The following NDUFAF6 variants were observed in gnomAD, a reference collection of about 807,000 sequenced individuals.
The protein encoded by NDUFAF6 is NADH:ubiquinone oxidoreductase complex assembly factor 6, also known as NADH dehydrogenase (ubiquinone) complex I, assembly factor 6.
NDUFAF6 carries 45 observed loss-of-function variants against 40.8 expected under a neutral mutation model. The ratio of observed to expected loss-of-function variants is 1.10; its 90% CI spans 0.87 to 1.42. NDUFAF6 has a LOEUF of 1.42. Among genes scored for constraint, NDUFAF6 ranks in the 40% most tolerant of loss-of-function variants. The probability of loss-of-function intolerance (pLI) is 0.00; values close to 1 mark genes in which losing one functional copy is unlikely to be tolerated. For missense variants in NDUFAF6, 435 were observed against 418.5 expected, an observed-to-expected ratio of 1.04 and a Z score of -0.34; for synonymous variants, 185 against 155.9, an observed-to-expected ratio of 1.19 and a Z score of -1.39.
chr8:95,095,738 C>T (rs1329248175), upstream of NDUFAF6, among the ~76,000 whole-genome samples: 1 of 151,582 alleles, frequency 6.6e-6, no homozygotes, highest in Non-Finnish European at 1.5e-5. Context: ...GATCTCAGCT[C>T]ATTGCAACCT....
chr8:95,074,307 T>C (rs1832966447), intron 9 of NDUFAF6, among the ~76,000 whole-genome samples: 1 of 152,226 alleles, frequency 6.6e-6, no homozygotes, highest in Non-Finnish European at 1.5e-5. Context: ...ATGTTAATTA[T>C]GTGACTTAAG....
rs1827157835 is a variant in NDUFAF6 at position 95,009,860 on chromosome 8, AATATT to A, written c.-83-22129_-83-22125del. 2.6e-5 allele frequency among the ~76,000 whole-genome samples: 4 copies of A among 152,292 alleles called. No individual in the cohort carries two copies. The South Asian group carries it at 8.3e-4, about 32-fold the overall frequency. On this transcript the variant is annotated intron_variant, in intron 2 of 9. Coordinates refer to the NDUFAF6 transcript ENST00000396111. ...TCGTTTGAATGTCAGTTTCCTCCTA[AATATT>A]ATATTTAAAAGTTTATTAAAGTAAT...
intron 4 of NDUFAF6, among the ~76,000 whole-genome samples, chr8:95,112,940 T>C (rs1810038022): frequency 6.6e-6 from 1 of 152,246 alleles, no homozygotes; most frequent in Admixed American, 6.5e-5. Context: ...GATGGCCCAC[T>C]GCCAGGCCAG....
At chr8:95,053,067 A>G (rs763649640) in intron 8 of NDUFAF6, among the ~76,000 whole-genome samples, 11 of 152,168 alleles carry the variant, frequency 7.2e-5, no homozygotes, top group Non-Finnish European at 1.2e-4. Context: ...AATACCAAAC[A>G]TATCTTCTAC....
At chr8:94,955,075 T>G (rs1289049643), upstream of NDUFAF6, among the ~76,000 whole-genome samples, 2 of 152,200 alleles carry the variant, frequency 1.3e-5, no homozygotes, top group Non-Finnish European at 2.9e-5. Flanking sequence ...GTGCCTCAGT[T>G]TCCTCACCTG....
chr8:94,997,347 G>C (rs56909074), intron 2 of NDUFAF6, among the ~76,000 whole-genome samples: 4,418 of 124,344 alleles, frequency 0.036, 89 homozygotes, highest in Middle Eastern at 0.065. Flanking sequence ...CACACACAGA[G>C]AGAGAGAGAG....
chr8:94,922,981 T>C (rs1819608594), intron 1 of NDUFAF6, among the ~76,000 whole-genome samples: 2 of 152,330 alleles, frequency 1.3e-5, no homozygotes, highest in South Asian at 2.1e-4. Context: ...CATTTTTTTT[T>C]CCAGTTGCTC....
chr8:95,064,888 C>T (rs984647895), intron 9 of NDUFAF6, among the ~76,000 whole-genome samples: 2 of 152,142 alleles, frequency 1.3e-5, no homozygotes, highest in African/African-American at 2.4e-5. Context: ...GAGCTTAGAT[C>T]ATACCCTTTT....
chr8:94,940,898 G>A (rs1253852072), intron 1 of NDUFAF6: 1 of 1,613,662 alleles, frequency 6.2e-7, no homozygotes, highest in East Asian at 2.2e-5. Flanking sequence ...GTTGGAGGAA[G>A]AACTGACTTC....
At chr8:95,026,892 A>T (rs1483192781) in intron 1 of NDUFAF6, among the ~76,000 whole-genome samples, 3 of 152,020 alleles carry the variant, frequency 2.0e-5, no homozygotes, top group African/African-American at 7.2e-5. Context: ...TACAAAAAAT[A>T]AAAAAATTAG....
intron 1 of NDUFAF6, among the ~76,000 whole-genome samples, chr8:95,029,200 G>C (rs1027271808): frequency 6.6e-6 from 1 of 152,138 alleles, no homozygotes; most frequent in South Asian, 2.1e-4. Context: ...TTTATAAGAA[G>C]GTTCCAATGT....
intron 2 of NDUFAF6, among the ~76,000 whole-genome samples, chr8:94,948,372 C>T (rs751773244): frequency 6.6e-6 from 1 of 152,150 alleles, no homozygotes. Flanking sequence ...AAAGCAAAGC[C>T]CCCAGCATAG....
chr8:95,044,230 GA>G (rs950615015), intron 4 of NDUFAF6, among the ~76,000 whole-genome samples: 45 of 152,182 alleles, frequency 3.0e-4, no homozygotes, highest in African/African-American at 1.1e-3. Flanking sequence ...AGGAGGGGGG[GA>G]AATGGGAAGT....
chr8:94,920,894 C>T (rs961459377), intron 1 of NDUFAF6, among the ~76,000 whole-genome samples: 3 of 152,220 alleles, frequency 2.0e-5, no homozygotes, highest in Non-Finnish European at 4.4e-5. Flanking sequence ...TTTTAGCTGC[C>T]TATTAGGACC....
chr8:95,030,667 T>C (rs1231691718), intron 1 of NDUFAF6, among the ~76,000 whole-genome samples: 1 of 152,244 alleles, frequency 6.6e-6, no homozygotes, highest in African/African-American at 2.4e-5. Flanking sequence ...AAGAAAATGT[T>C]TCAGACTTAT....
intron 2 of NDUFAF6, among the ~76,000 whole-genome samples, chr8:94,989,797 C>T (rs573104509): frequency 9.9e-5 from 15 of 152,226 alleles, no homozygotes; most frequent in African/African-American, 3.1e-4. Flanking sequence ...AGTGCAGTGG[C>T]GTTATCATGG....
intron 1 of NDUFAF6, among the ~76,000 whole-genome samples, chr8:94,900,708 T>A (rs1817960333): frequency 6.6e-6 from 1 of 152,118 alleles, no homozygotes; most frequent in South Asian, 2.1e-4. Flanking sequence ...CAAGAAACAC[T>A]GTTCTCTGTC....
intron 2 of NDUFAF6, among the ~76,000 whole-genome samples, chr8:94,947,239 CT>C (rs1251515038): frequency 6.6e-6 from 1 of 151,372 alleles, no homozygotes; most frequent in African/African-American, 2.4e-5. Flanking sequence ...GAAAACAGCC[CT>C]TTTCAGTTAG....
intron 2 of NDUFAF6, among the ~76,000 whole-genome samples, chr8:95,033,321 G>A (rs1185928388): frequency 6.6e-6 from 1 of 152,110 alleles, no homozygotes; most frequent in Non-Finnish European, 1.5e-5. Context: ...TGGGATTACA[G>A]GCATAAGCCA....
Sources: allele counts gnomAD v4.1 joint callset (sites outside exome capture counted in the v4.1 genomes callset), GRCh38; gene constraint gnomAD v4.1.1; transcripts MANE v1.5; gene names NCBI Gene and HGNC (gene_info 2026-07-23, HGNC 2026-07-21).